The following HMOX2 variants were observed in gnomAD, a reference collection of about 807,000 sequenced individuals.
The protein encoded by HMOX2 is heme oxygenase 2, also known as heme oxygenase (decycling) 2.
A neutral mutation model predicts 33.7 loss-of-function variants in HMOX2; 30 were observed. That is an observed-to-expected ratio of 0.89 (90% CI 0.67 to 1.21). The LOEUF (loss-of-function observed/expected upper bound fraction) is 1.21, where lower values mean the gene tolerates loss of function less well. HMOX2 is among the 50% of genes most tolerant of loss of function. The pLI is 0.00. For synonymous variants in HMOX2, 155 were observed against 155.0 expected (o/e 1.00, Z 0.00); for missense variants, 403 against 399.1 (o/e 1.01, Z -0.08).
upstream of HMOX2, among the ~76,000 whole-genome samples, chr16:4,475,746 T>C (rs1430891311): frequency 6.6e-6 from 1 of 150,736 alleles, no homozygotes; most frequent in Non-Finnish European, 1.5e-5. Flanking sequence ...GAGACCAGCC[T>C]GGCCAACATG....
chr16:4,497,043 C>T (rs1188763172), intron 1 of HMOX2, among the ~76,000 whole-genome samples: 6 of 152,038 alleles, frequency 3.9e-5, no homozygotes, highest in Admixed American at 1.3e-4. Context: ...GAGAGGAAAG[C>T]ACCTGGGAGC....
chr16:4,477,550 G>GC (rs2057896803), intron 1 of HMOX2, among the ~76,000 whole-genome samples: 1 of 149,128 alleles, frequency 6.7e-6, no homozygotes, highest in South Asian at 2.1e-4. Flanking sequence ...GGTTGTCGTG[G>GC]CCTGTGGCTG....
chr16:4,474,964 T>A (rs2057774129), upstream of HMOX2: 1 of 152,228 alleles, frequency 6.6e-6, no homozygotes, highest in South Asian at 2.1e-4. Context: ...TTATTTTTAT[T>A]TTTTTGAGAC....
At chr16:4,499,428 A>G (rs1161087269) in intron 1 of HMOX2, among the ~76,000 whole-genome samples, 1 of 152,324 alleles carries the variant, frequency 6.6e-6, no homozygotes, top group South Asian at 2.1e-4. Context: ...ATGGTGCATG[A>G]TATCACTTAT....
chr16:4,488,205 C>A (rs193030521), intron 1 of HMOX2, among the ~76,000 whole-genome samples: 1 of 151,732 alleles, frequency 6.6e-6, no homozygotes, highest in East Asian at 1.9e-4. Context: ...GGACAGTTGC[C>A]TTTTCCATTA....
chr16:4,489,422 C>T (rs2058254241), intron 1 of HMOX2, among the ~76,000 whole-genome samples: 1 of 152,088 alleles, frequency 6.6e-6, no homozygotes, highest in Admixed American at 6.6e-5. Flanking sequence ...GTAGCTGGGA[C>T]CACAAGCACT....
intron 1 of HMOX2, among the ~76,000 whole-genome samples, chr16:4,479,160 A>C (rs1041591504): frequency 1.3e-5 from 2 of 152,172 alleles, no homozygotes; most frequent in Non-Finnish European, 2.9e-5. Context: ...TCAAAGAAAA[A>C]AAAATTCTAT....
intron 1 of HMOX2, among the ~76,000 whole-genome samples, chr16:4,485,737 G>A (rs2141535113): frequency 6.6e-6 from 1 of 152,094 alleles, no homozygotes; most frequent in South Asian, 2.1e-4. Context: ...TTTTGTTTTT[G>A]TTTTTGAGAG....
At chr16:4,489,009 G>T (rs2058243391) in intron 1 of HMOX2, among the ~76,000 whole-genome samples, 1 of 151,752 alleles carries the variant, frequency 6.6e-6, no homozygotes. Context: ...TAGTTTTTTT[G>T]TAGAGACAGG....
intron 1 of HMOX2, among the ~76,000 whole-genome samples, chr16:4,481,348 C>CAAA (rs60035479): frequency 1.4e-4 from 16 of 114,016 alleles, no homozygotes; most frequent in African/African-American, 4.0e-4. Context: ...GACTCCGTCT[C>CAAA]AAAAAAAAAA....
chr16:4,475,343 G>T (rs1596419950), upstream of HMOX2, among the ~76,000 whole-genome samples: 2 of 144,936 alleles, frequency 1.4e-5, no homozygotes, highest in Admixed American at 1.4e-4. Context: ...CTTGCTCTGT[G>T]GCCCAGGCTG....
At chr16:4,488,716 T>C (rs992612873) in intron 1 of HMOX2, 2 of 152,734 alleles carry the variant, frequency 1.3e-5, no homozygotes, top group African/African-American at 4.8e-5. Flanking sequence ...ACATTGGATA[T>C]TTTTTCACAG....
Position 4,506,962 on chromosome 16 carries a change from C to G in HMOX2, c.154C>G (p.Gln52Glu). Residue 52 changes from glutamine (Q) to glutamate (E), a missense_variant, in exon 3 of 6, where the codon CAG becomes GAG. Physicochemically the swap from Gln to Glu is conservative, Grantham distance 29 (BLOSUM62 2). Transcript: ENST00000570646. ...AGCACACGACCGGGCAGAAAACACC[C>G]AGTTTGTCAAGGACTTCTTGAAAGG... ...KEAHDRAENTQFVKDFLKGNI... is the reference protein window; with the variant it reads ...KEAHDRAENTEFVKDFLKGNI... 1 of 1,614,012 alleles carries G rather than the reference C, an allele frequency of 6.2e-7. No homozygotes were observed. Among genetic ancestry groups the G allele is most frequent in the Non-Finnish European group, 8.5e-7 (1 of 1,179,916 alleles).
chr16:4,509,571 G>A (rs748308712), intron 5 of HMOX2, 33 bp downstream of exon 5: 4 of 1,614,124 alleles, frequency 2.5e-6, no homozygotes, highest in South Asian at 2.2e-5. Context: ...CCCCTCCTGG[G>A]GCAGGTGTAG....
At chr16:4,487,518 A>G (rs1337675594) in intron 1 of HMOX2, among the ~76,000 whole-genome samples, 2 of 150,656 alleles carry the variant, frequency 1.3e-5, no homozygotes, top group African/African-American at 4.9e-5. Context: ...TAAAAATATA[A>G]AATTGCTGGG....
chr16:4,500,399 G>T (rs2058529391), intron 1 of HMOX2, among the ~76,000 whole-genome samples: 1 of 152,130 alleles, frequency 6.6e-6, no homozygotes, highest in Admixed American at 6.5e-5. Context: ...AGTTCATGTT[G>T]TGGGCATCTC....
intron 1 of HMOX2, among the ~76,000 whole-genome samples, chr16:4,484,953 T>C (rs1044357943): frequency 2.0e-5 from 3 of 152,016 alleles, no homozygotes; most frequent in African/African-American, 7.3e-5. Flanking sequence ...ATCTGTTGTT[T>C]TTTTTTTCCC....
Position 4,508,068 on chromosome 16 carries a change from A to G in HMOX2, c.560A>G (p.Tyr187Cys). ...AGCACAGGGGAAGGGACCCAGTTCT[A>G]CCTGTTTGAGAATGTGGACAATGCC... ...LPSTGEGTQFYLFENVDNAQQ... is the reference protein window; with the variant it reads ...LPSTGEGTQFCLFENVDNAQQ... Residue 187 changes from tyrosine to cysteine, a missense_variant, in exon 4 of 6, where the codon TAC becomes TGC. Physicochemically the swap from Tyr to Cys is radical, Grantham distance 194. Coordinates refer to ENST00000570646, the MANE Select transcript of HMOX2 (RefSeq NM_002134.4). The G allele has an allele frequency of 6.2e-7, 1 of 1,614,076 alleles. No homozygotes were observed. Among genetic ancestry groups the G allele is most frequent in the South Asian group, 1.1e-5 (1 of 91,064 alleles).
chr16:4,493,641 G>T (rs1206621577), intron 1 of HMOX2, among the ~76,000 whole-genome samples: 1 of 152,228 alleles, frequency 6.6e-6, no homozygotes, highest in African/African-American at 2.4e-5. Context: ...GTGGCCAGTA[G>T]ATTCTCTCAT....
Sources: allele counts gnomAD v4.1 joint callset (sites outside exome capture counted in the v4.1 genomes callset), GRCh38; gene constraint gnomAD v4.1.1; transcripts MANE v1.5; gene names NCBI Gene and HGNC (gene_info 2026-07-23, HGNC 2026-07-21).